Variants in RHBDF2 observed in about 807,000 individuals in gnomAD.
The protein encoded by RHBDF2 is rhomboid 5 homolog 2, also known as inactive rhomboid protein 2.
RHBDF2 carries 38 observed loss-of-function variants against 95.2 expected under a neutral mutation model. The observed-to-expected ratio is 0.40, with a 90% CI of 0.31 to 0.52. The LOEUF (loss-of-function observed/expected upper bound fraction) is 0.52. Among genes scored for constraint, RHBDF2 ranks in the 20% least tolerant of loss-of-function variants. The pLI is 0.56. For missense variants in RHBDF2, 863 were observed against 1,137.7 expected (o/e 0.76, Z 3.47); for synonymous variants, 442 against 462.0 (o/e 0.96, Z 0.55).
chr17:76,492,185 C>T (rs1429792388), intron 1 of RHBDF2, among the ~76,000 whole-genome samples: 1 of 152,162 alleles, frequency 6.6e-6, no homozygotes, highest in Non-Finnish European at 1.5e-5. Context: ...TCTATTTCCT[C>T]CTCCTTTAGG....
intron 6 of RHBDF2, 41 bp downstream of exon 6, chr17:76,478,765 G>T: frequency 6.5e-7 from 1 of 1,539,626 alleles, no homozygotes; most frequent in Non-Finnish European, 8.9e-7. Context: ...AGGAAGGGAG[G>T]CCGGGCAGAG....
intron 3 of RHBDF2, among the ~76,000 whole-genome samples, chr17:76,480,942 A>G (rs1946982167): frequency 6.6e-6 from 1 of 152,174 alleles, no homozygotes; most frequent in African/African-American, 2.4e-5. Context: ...GACTGTCAGA[A>G]ACACTGATCT....
chr17:76,483,862 AC>A (rs1177900715), intron 2 of RHBDF2, among the ~76,000 whole-genome samples: 1 of 152,102 alleles, frequency 6.6e-6, no homozygotes, highest in Non-Finnish European at 1.5e-5. Context: ...TGCGTGTGCC[AC>A]CAGTCCCCAG....
Position 76,478,794 on chromosome 17 carries a change from G to A in RHBDF2, c.672+12C>T. 1.2e-6 allele frequency: 2 copies of A among 1,605,490 alleles called. No individual in the cohort carries two copies. Among genetic ancestry groups the A allele is most frequent in the African/African-American group, 2.7e-5 (2 of 74,868 alleles). On this transcript the variant is annotated intron_variant, in intron 6 of 18. Transcript: ENST00000675367. ...GGCAGAGGTGGGGGCCCTGCAGGAGGGAGCCCCGCACCTTGAGGAGGGCAG... is the reference window on the plus strand; with the variant it reads ...GGCAGAGGTGGGGGCCCTGCAGGAGAGAGCCCCGCACCTTGAGGAGGGCAG...
At position 76,478,865 on chromosome 17, in the gene RHBDF2, G is replaced by A. The variant is rs138968491; in HGVS notation, c.613C>T (p.Arg205Cys). Residue 205 changes from arginine (R) to cysteine (C), a missense_variant, in exon 6 of 19, where the codon CGC becomes TGC. Physicochemically the swap from Arg to Cys is radical, Grantham distance 180. Around this residue, in one of 2 missense-constraint regions of RHBDF2, gnomAD observed 611 missense variants for 725.5 expected, o/e 0.84. Coordinates refer to ENST00000675367, the MANE Select transcript of RHBDF2 (RefSeq NM_001005498.4). ...SVRSGYSHLP[R>C]RKRMSVAHMS... The stretch of plus-strand genomic sequence containing the variant: ...TGGGCCACAGACATTCTCTTGCGGC[G>A]TGGCAGGTGGGAGTAGCCAGAACGG... The A allele has an allele frequency of 2.8e-4, 446 of 1,613,650 alleles. 5 individuals carry two copies. In the South Asian group the frequency reaches 3.7e-3, roughly 13 times the overall value.
rs778068597 is a variant in RHBDF2 at position 76,472,551 on chromosome 17, AT to A, written c.2064+134del. ...AAGAGACCAGCCAGTAAGCCCCCAG[AT>A]TAGCTGTCCCTCCGCTGTGGAGCCC... On this transcript the variant is annotated intron_variant, in intron 18 of 18. Transcript: ENST00000675367. 1.8e-5 allele frequency: 20 copies of A among 1,142,376 alleles called. No individual in the cohort carries two copies. The South Asian group carries it at 2.3e-4, about 13-fold the overall frequency. 70.8% of individuals were successfully genotyped at this position (1,142,376 alleles called of 1,614,324 possible).
intron 6 of RHBDF2, among the ~76,000 whole-genome samples, chr17:76,478,302 C>T (rs2073836548): frequency 6.6e-6 from 1 of 152,234 alleles, no homozygotes; most frequent in Admixed American, 6.5e-5. Context: ...AGGCCATTCC[C>T]TCTGCTGAGA....
chr17:76,477,232 C>T lies in RHBDF2; in HGVS notation c.868G>A (p.Gly290Arg), dbSNP rs764020381. 2.5e-6 allele frequency: 4 copies of T among 1,608,596 alleles called. No homozygotes were observed. Among genetic ancestry groups the T allele is most frequent in the Admixed American group, 1.7e-5 (1 of 57,976 alleles). ...ACAGGGGAGGCTGAGTGTGGGATCC[C>T]TCGGAAGTAGCTGGCAGAGAGTGGG... Reference protein sequence around the residue: ...SPPLSASYFRGIPHSASPVSP... With the variant: ...SPPLSASYFRRIPHSASPVSP... The change falls in exon 8 of 19, where the codon GGG (glycine) becomes AGG (arginine). Residue 290 changes from glycine (G) to arginine (R), a missense_variant. By Grantham distance (125) the Gly-to-Arg change is moderately radical. Coordinates refer to ENST00000675367, the MANE Select transcript of RHBDF2 (RefSeq NM_001005498.4).
chr17:76,473,507 G>A (rs2073657062), intron 15 of RHBDF2, 141 bp downstream of exon 15: 1 of 949,906 alleles, frequency 1.1e-6, no homozygotes. Context: ...GGTAGCCCCA[G>A]AGCAGGGGAG....
intron 1 of RHBDF2, among the ~76,000 whole-genome samples, chr17:76,491,438 G>C (rs905417073): frequency 3.3e-5 from 5 of 152,112 alleles, no homozygotes; most frequent in Non-Finnish European, 7.4e-5. Flanking sequence ...CAGTTGGGGG[G>C]GGGTCCCGAA....
chr17:76,479,286 G>C lies in RHBDF2; in HGVS notation c.273-9C>G. The C allele has an allele frequency of 6.3e-7, 1 of 1,589,074 alleles. No homozygotes were observed. Among genetic ancestry groups the C allele is most frequent in the Non-Finnish European group, 8.5e-7 (1 of 1,173,444 alleles). On this transcript the variant is annotated splice_polypyrimidine_tract_variant and intron_variant, in intron 4 of 18. Coordinates refer to ENST00000675367, the MANE Select transcript of RHBDF2 (RefSeq NM_001005498.4). ...ACCACTGGGCTGCGCCCCTGCGGAA[G>C]CAGACAAGGGACAGGTGGGCATACG...
chr17:76,485,517 G>C (rs554647168), intron 2 of RHBDF2, among the ~76,000 whole-genome samples: 1 of 151,114 alleles, frequency 6.6e-6, no homozygotes, highest in South Asian at 2.1e-4. Context: ...AGGACGGGGG[G>C]TGTGGTTACA....
Position 76,493,895 on chromosome 17 carries a change from T to C in RHBDF2, c.-219-5986A>G, listed in dbSNP as rs530638043. Among the ~76,000 whole-genome samples the C allele has an allele frequency of 2.8e-3, 430 of 152,340 alleles. 3 individuals are homozygous for C. Among genetic ancestry groups the C allele is most frequent in the Non-Finnish European group, 4.8e-3 (329 of 68,036 alleles). On this transcript the variant is annotated intron_variant, in intron 1 of 18. Transcript: ENST00000675367. ...CCTCCTCGCCCCTCCAGGGCTTGCC[T>C]CGAACTCAGTTCAGAAGATCAAGAA...
Position 76,472,066 on chromosome 17 carries a change from G to A in RHBDF2, c.2065-14C>T, listed in dbSNP as rs1598647110. ...GGCCGGGCCCACCTGGGGCGGGGCAGGGGAGACGTGGCTTCAGGCATCAGG... is the reference window on the plus strand; with the variant it reads ...GGCCGGGCCCACCTGGGGCGGGGCAAGGGAGACGTGGCTTCAGGCATCAGG... On this transcript the variant is annotated splice_polypyrimidine_tract_variant and intron_variant, in intron 18 of 18. Coordinates refer to ENST00000675367, the MANE Select transcript of RHBDF2 (RefSeq NM_001005498.4). The A allele has an allele frequency of 6.5e-7, 1 of 1,541,468 alleles. No homozygotes were observed.
In RHBDF2 at chr17:76,477,210, G is replaced by T; in HGVS notation, c.890C>A (p.Pro297His). The T allele has an allele frequency of 1.2e-6, 2 of 1,610,634 alleles. No individual in the cohort carries two copies. The highest frequency in any genetic ancestry group is 1.7e-6 in the Non-Finnish European group (2 of 1,178,956). Residue 297 changes from proline to histidine, a missense_variant, in exon 8 of 19, where the codon CCT becomes CAT. Pro to His is a moderately conservative substitution (Grantham distance 77). This residue lies in a region of RHBDF2 where 611 missense variants were observed against 725.5 expected (regional missense o/e 0.84). Coordinates refer to ENST00000675367, the MANE Select transcript of RHBDF2 (RefSeq NM_001005498.4). ...GATTTGCACCCCATCGGGGGAGACAGGGGAGGCTGAGTGTGGGATCCCTCG... is the reference window on the plus strand; with the variant it reads ...GATTTGCACCCCATCGGGGGAGACATGGGAGGCTGAGTGTGGGATCCCTCG... ...YFRGIPHSAS[P>H]VSPDGVQIPL...
At chr17:76,498,423 G>A (rs1158133377) in intron 1 of RHBDF2, among the ~76,000 whole-genome samples, 2 of 152,242 alleles carry the variant, frequency 1.3e-5, no homozygotes, top group Non-Finnish European at 2.9e-5. Flanking sequence ...AGAGTGTGGA[G>A]GGGGAGAGGC....
chr17:76,474,501 G>T lies in RHBDF2; in HGVS notation c.1336C>A (p.Pro446Thr). The change falls in exon 12 of 19, where the codon CCC (proline) becomes ACC (threonine). Residue 446 changes from proline to threonine, a missense_variant. Pro to Thr is a conservative substitution (Grantham distance 38). Coordinates refer to ENST00000675367, the MANE Select transcript of RHBDF2 (RefSeq NM_001005498.4). ...DLIHLGAKFS[P>T]CIRKDGQIEQ... Reference sequence around the variant, plus strand: ...ATCTGCCCGTCCTTCCGGATGCAGGGTGAGAACTTGGCCCCCAGGTGGATC... The same window carrying T: ...ATCTGCCCGTCCTTCCGGATGCAGGTTGAGAACTTGGCCCCCAGGTGGATC... 6.2e-7 allele frequency: 1 copy of T among 1,614,208 alleles called. No individual in the cohort carries two copies. The highest frequency in any genetic ancestry group is 8.5e-7 in the Non-Finnish European group (1 of 1,180,024).
chr17:76,472,644 GC>G (rs1226476580), intron 18 of RHBDF2, 41 bp downstream of exon 18: 2 of 1,612,010 alleles, frequency 1.2e-6, no homozygotes, highest in Non-Finnish European at 1.7e-6. Flanking sequence ...AGCAGGGCTG[GC>G]CCCCTATGTG....
chr17:76,473,169 G>A, intron 16 of RHBDF2, 64 bp from the exon 17 acceptor site: 1 of 1,585,130 alleles, frequency 6.3e-7, no homozygotes, highest in Non-Finnish European at 8.7e-7. Context: ...TCCGACATGG[G>A]AGGGAGTGCG....
Sources: gnomAD v4.1 joint callset for allele counts (sites outside exome capture counted in the v4.1 genomes callset) on GRCh38, gnomAD v4.1.1 for gene constraint, gnomAD v4.1.1 regional missense constraint, MANE v1.5 for transcripts, NCBI Gene and HGNC (gene_info 2026-07-23, HGNC 2026-07-21) for gene names.